The following PATL1 variants were observed in gnomAD, a reference collection of about 807,000 sequenced individuals.
The protein encoded by PATL1 is PAT1 homolog 1, processing body mRNA decay factor.
In PATL1, 32 loss-of-function variants were observed where a neutral mutation model predicts 100.6. The observed-to-expected ratio is 0.32, with a 90% CI of 0.24 to 0.43. The LOEUF (loss-of-function observed/expected upper bound fraction) is 0.43, where lower values mean the gene tolerates loss of function less well. PATL1 is among the 20% of genes least tolerant of loss of function. The pLI, the probability that PATL1 is intolerant of heterozygous loss-of-function variation, is 1.00. For missense variants in PATL1, 747 were observed against 949.9 expected (o/e 0.79, Z 2.81); for synonymous variants, 332 against 330.0 (o/e 1.01, Z -0.07).
chr11:59,640,246 C>G (rs1861256868), intron 16 of PATL1, among the ~76,000 whole-genome samples: 1 of 150,426 alleles, frequency 6.6e-6, no homozygotes, highest in South Asian at 2.1e-4. Context: ...GAGGCTGAGG[C>G]AGGAGAATTG....
intron 4 of PATL1, among the ~76,000 whole-genome samples, chr11:59,658,139 G>A (rs1861564465): frequency 1.3e-5 from 2 of 151,486 alleles, no homozygotes; most frequent in South Asian, 4.2e-4. Flanking sequence ...ACTCTAGCCT[G>A]GTTGACACAG....
In PATL1 at chr11:59,665,202, A is replaced by T. The variant is rs568407686; in HGVS notation, c.127+1651T>A. On this transcript the variant is annotated intron_variant, in intron 2 of 18. Transcript: ENST00000300146. ...AAAACACCTTCATTTTTGCCAGTTT[A>T]TTCAAGTCAGTCTAAGCTTTAATAA... is the stretch of plus-strand genomic sequence containing the variant. 1.4e-4 allele frequency among the ~76,000 whole-genome samples: 22 copies of T among 152,320 alleles called. No individual in the cohort carries two copies. In the East Asian group the frequency reaches 4.2e-3, roughly 29 times the overall value.
At chr11:59,644,561 TAAAG>T (rs974325575) in intron 15 of PATL1, among the ~76,000 whole-genome samples, 6 of 152,162 alleles carry the variant, frequency 3.9e-5, no homozygotes, top group Non-Finnish European at 7.3e-5. Flanking sequence ...ATTTATCTGT[TAAAG>T]AAACTGGGTC....
chr11:59,659,022 A>C, intron 3 of PATL1, 76 bp from the exon 4 acceptor site: 1 of 1,301,412 alleles, frequency 7.7e-7, no homozygotes, highest in Admixed American at 2.6e-5. Flanking sequence ...CTGGGGAACA[A>C]GGTTCCAAAA....
At position 59,658,889 on chromosome 11, in the gene PATL1, T is replaced by G; in HGVS notation, c.403A>C (p.Ile135Leu). ...ACCTGAGCAAGCAGTGGTCCTCGGA[T>G]TCGCCTCAGAACTTCAGATCCATCC... ...IWDGSEVLRRIRGPLLAQEMP... is the reference protein window; with the variant it reads ...IWDGSEVLRRLRGPLLAQEMP... The change falls in exon 4 of 19, where the codon ATC (isoleucine) becomes CTC (leucine). Residue 135 changes from isoleucine to leucine, a missense_variant. Ile to Leu is a conservative substitution (Grantham distance 5). Transcript: ENST00000300146. 2 of 1,549,468 alleles carry G rather than the reference T, an allele frequency of 1.3e-6. No homozygotes were observed. The highest frequency in any genetic ancestry group is 1.7e-6 in the Non-Finnish European group (2 of 1,146,562).
chr11:59,659,145 G>A (rs1054626478), intron 3 of PATL1, 107 bp downstream of exon 3: 23 of 1,032,556 alleles, frequency 2.2e-5, no homozygotes, highest in Non-Finnish European at 3.0e-5. Flanking sequence ...ATTTTCTATG[G>A]TATATGTAAA....
At position 59,652,526 on chromosome 11, in the gene PATL1, T is replaced by C; in HGVS notation, c.1364A>G (p.Lys455Arg). The C allele has an allele frequency of 6.2e-7, 1 of 1,613,934 alleles. No individual in the cohort carries two copies. Residue 455 changes from lysine (K) to arginine (R), a missense_variant, in exon 11 of 19, where the codon AAG becomes AGG. By Grantham distance (26) the Lys-to-Arg change is conservative. Transcript: ENST00000300146. ...GGTGATAAGCTTGGTGCGCTCCTTC[T>C]TAGGGCCATCACCTTGTATTTCTTC... ...AAEEIQGDGP[K>R]KERTKLITPQ...
At chr11:59,646,078 C>G (rs1166767191) in intron 15 of PATL1, among the ~76,000 whole-genome samples, 1 of 152,086 alleles carries the variant, frequency 6.6e-6, no homozygotes, top group Non-Finnish European at 1.5e-5. Context: ...TAAAATAATG[C>G]CTGGCACATA....
chr11:59,661,234 T>TCC (rs1861621023), intron 2 of PATL1, among the ~76,000 whole-genome samples: 1 of 152,122 alleles, frequency 6.6e-6, no homozygotes, highest in South Asian at 2.1e-4. Context: ...TACAGGTTTG[T>TCC]ACCACCACAC....
At chr11:59,650,647 A>C in intron 13 of PATL1, 107 bp downstream of exon 13, 3 of 770,754 alleles carry the variant, frequency 3.9e-6, no homozygotes, top group Non-Finnish European at 6.1e-6. Context: ...TTCATGAATT[A>C]AAACCAAAGA....
intron 15 of PATL1, among the ~76,000 whole-genome samples, chr11:59,644,910 A>T (rs5792153): frequency 0.15 from 2,331 of 15,840 alleles, 39 homozygotes; most frequent in African/African-American, 0.25. Flanking sequence ...TTTTTTTTTT[A>T]AAAAAAAAAA....
rs746640941 is a variant in PATL1, at chr11:59,639,180, A to G, written c.2159T>C (p.Met720Thr). The G allele has an allele frequency of 6.8e-6, 11 of 1,613,882 alleles. No individual in the cohort carries two copies. Among genetic ancestry groups the G allele is most frequent in the Middle Eastern group, 1.6e-4 (1 of 6,084 alleles). Residue 720 changes from methionine (M) to threonine (T), a missense_variant, in exon 18 of 19, where the codon ATG (methionine) becomes ACG (threonine). This residue lies in a region of PATL1 where 434 missense variants were observed against 596.1 expected (regional missense o/e 0.73). Coordinates refer to ENST00000300146, the MANE Select transcript of PATL1 (RefSeq NM_152716.3). Reference sequence around the variant, plus strand: ...AATCCGCAGAAGTTCTCGTGTTGCCATGAACATCACCTCCGTCCTGACAGG... The same window carrying G: ...AATCCGCAGAAGTTCTCGTGTTGCCGTGAACATCACCTCCGTCCTGACAGG... ...QNNQWTEVMFMATRELLRIPQ... is the reference protein window; with the variant it reads ...QNNQWTEVMFTATRELLRIPQ...
intron 2 of PATL1, among the ~76,000 whole-genome samples, chr11:59,662,053 T>G (rs1861632988): frequency 1.3e-5 from 2 of 152,186 alleles, no homozygotes; most frequent in Non-Finnish European, 2.9e-5. Flanking sequence ...CAGTTAAAAT[T>G]TGCTATATAT....
In PATL1 at chr11:59,668,764, G is replaced by C. The variant is rs1861731233; in HGVS notation, c.15+117C>G. ...GACCAGTCGCGTCCAGCTAAGTCCT[G>C]CGACTCCCCCAGCCCGCCCCCTGCC... is the stretch of plus-strand genomic sequence containing the variant. On this transcript the variant is annotated intron_variant, in intron 1 of 18. Transcript: ENST00000300146. 6.2e-5 allele frequency: 35 copies of C among 563,596 alleles called. No individual in the cohort carries two copies. The South Asian group carries it at 6.8e-4, about 11-fold the overall frequency. 34.9% of individuals were successfully genotyped at this position (563,596 alleles called of 1,614,324 possible).
chr11:59,643,227 G>T (rs964418671), intron 15 of PATL1, among the ~76,000 whole-genome samples, 192 bp from the exon 16 acceptor site: 3 of 151,710 alleles, frequency 2.0e-5, no homozygotes, highest in Admixed American at 6.6e-5. Flanking sequence ...ATTTGCATTG[G>T]AAACACCATG....
intron 16 of PATL1, among the ~76,000 whole-genome samples, chr11:59,642,246 G>T (rs1861292659): frequency 6.6e-6 from 1 of 152,124 alleles, no homozygotes; most frequent in African/African-American, 2.4e-5. Context: ...CTTTAAACTT[G>T]ATGCAAATAA....
chr11:59,666,529 G>C (rs565506354), intron 2 of PATL1, among the ~76,000 whole-genome samples: 1 of 152,202 alleles, frequency 6.6e-6, no homozygotes, highest in Non-Finnish European at 1.5e-5. Flanking sequence ...TCTCATCTAG[G>C]ATTAATTTAA....
chr11:59,668,223 G>C (rs1018759536), intron 1 of PATL1, among the ~76,000 whole-genome samples: 1 of 152,194 alleles, frequency 6.6e-6, no homozygotes, highest in Non-Finnish European at 1.5e-5. Flanking sequence ...AGTCACTCAA[G>C]GTCACACAGT....
In PATL1 at chr11:59,652,947, T is replaced by C. The variant is rs200929349; in HGVS notation, c.1193A>G (p.Lys398Arg). The change falls in exon 10 of 19, where the codon AAG (lysine) becomes AGG (arginine). Residue 398 changes from lysine to arginine, a missense_variant. Lys to Arg is a conservative substitution (Grantham distance 26). Coordinates refer to ENST00000300146, the MANE Select transcript of PATL1 (RefSeq NM_152716.3). The part of the protein sequence containing the change: ...HRSSHQDHLR[K>R]DPYANLMLQR... ...CAACATGAGATTGGCATATGGATCC[T>C]TTCGGAGATGATCTTGATGACTGCT... 424 of 1,613,892 alleles carry C rather than the reference T, an allele frequency of 2.6e-4. No individual in the cohort carries two copies. Among genetic ancestry groups the C allele is most frequent in the Non-Finnish European group, 3.6e-5 (42 of 1,179,884 alleles).
Sources: gnomAD v4.1 joint callset for allele counts (sites outside exome capture counted in the v4.1 genomes callset) on GRCh38, gnomAD v4.1.1 for gene constraint, gnomAD v4.1.1 regional missense constraint, MANE v1.5 for transcripts, NCBI Gene and HGNC (gene_info 2026-07-23, HGNC 2026-07-21) for gene names.